Variants in ZNF324 observed in about 807,000 individuals in gnomAD.
ZNF324 encodes the protein zinc finger protein 324A.
In ZNF324, 3 loss-of-function variants were observed where a neutral mutation model predicts 10.3. The observed-to-expected ratio is 0.29, with a 90% confidence interval of 0.13 to 0.75. The LOEUF is 0.75. ZNF324 is among the 30% of genes least tolerant of loss of function. The pLI, the probability that ZNF324 is intolerant of heterozygous loss-of-function variation, is 0.69. For missense variants in ZNF324, 763 were observed against 784.4 expected (o/e 0.97, Z 0.33); for synonymous variants, 430 against 339.5 (o/e 1.27, Z -2.93).
In ZNF324 at chr19:58,471,104, G is replaced by T; in HGVS notation, c.612G>T (p.Gly204=). 6.2e-7 allele frequency: 1 copy of T among 1,613,866 alleles called. No individual in the cohort carries two copies. Among genetic ancestry groups the T allele is most frequent in the South Asian group, 1.1e-5 (1 of 91,084 alleles). ...AACCATGTGCACAGGAGGTCCCTGG[G>T]AGAACCTTTGGGAGCGCCCAGGACC... ...RQKPCAQEVP[G]RTFGSAQDLE... The change falls in exon 4 of 4, where the codon GGG becomes GGT. Residue 204 remains glycine, a synonymous_variant. Coordinates refer to ENST00000196482, the MANE Select transcript of ZNF324 (RefSeq NM_014347.3).
In ZNF324 at chr19:58,474,891, GGAGA is replaced by G. The variant is rs1186053201; in HGVS notation, c.*2741_*2744del. On this transcript the variant is annotated 3_prime_UTR_variant, in exon 4 of 4. Coordinates refer to ENST00000196482, the MANE Select transcript of ZNF324 (RefSeq NM_014347.3). ...ATACTACGTGGCGACTTGGCGAAGA[GGAGA>G]GAGTTCCCACCAGGCTGACTCCAGA... The G allele has an allele frequency of 2.0e-5, 3 of 152,320 alleles. No homozygotes were observed. Among genetic ancestry groups the G allele is most frequent in the Non-Finnish European group, 4.4e-5 (3 of 68,034 alleles). 9.4% of individuals were successfully genotyped at this position (152,320 alleles called of 1,614,324 possible).
In ZNF324 at chr19:58,469,219, C is replaced by T. The variant is rs2122405806; in HGVS notation, c.34C>T (p.Gln12Ter). The stretch of plus-strand genomic sequence containing the variant: ...TGAGGATGTGGCTGTGTACTTCTCC[C>T]AGGAGGAGTGGGGGCTCCTGGACAC... ...AFEDVAVYFS[Q>*]EEWGLLDTAQ... The change falls in exon 2 of 4, where the codon CAG becomes TAG. Residue 12 changes from glutamine (Q) to a stop codon, truncating the protein, a stop_gained. Transcript: ENST00000196482. LOFTEE classifies it high-confidence loss of function. The T allele has an allele frequency of 6.2e-7, 1 of 1,614,168 alleles. No homozygotes were observed. Among genetic ancestry groups the T allele is most frequent in the Non-Finnish European group, 8.5e-7 (1 of 1,180,028 alleles).
At chr19:58,468,990 T>A (rs1426609271) in intron 1 of ZNF324, among the ~76,000 whole-genome samples, 190 bp from the exon 2 acceptor site, 2 of 152,182 alleles carry the variant, frequency 1.3e-5, no homozygotes, top group South Asian at 4.1e-4. Flanking sequence ...CCAAAACAAG[T>A]TCGTGAACTT....
rs2053029692 is a variant in ZNF324 at position 58,471,231 on chromosome 19, G to A, written c.739G>A (p.Gly247Ser). ...GGAGCCCTCGACCTGGGACGAGCTGGGCGAGGCTCTTCACGCTGGGGAGAA... is the reference window on the plus strand; with the variant it reads ...GGAGCCCTCGACCTGGGACGAGCTGAGCGAGGCTCTTCACGCTGGGGAGAA... The part of the protein sequence containing the change: ...GQEPSTWDEL[G>S]EALHAGEKSF... Residue 247 changes from glycine to serine, a missense_variant, in exon 4 of 4, where the codon GGC becomes AGC. Gly to Ser is a moderately conservative substitution (Grantham distance 56). Around this residue, in one of 3 missense-constraint regions of ZNF324, gnomAD observed 153 missense variants for 269.0 expected, o/e 0.57. Coordinates refer to ENST00000196482, the MANE Select transcript of ZNF324 (RefSeq NM_014347.3). The A allele has an allele frequency of 1.2e-6, 2 of 1,613,622 alleles. No individual in the cohort carries two copies. Among genetic ancestry groups the A allele is most frequent in the Non-Finnish European group, 1.7e-6 (2 of 1,179,942 alleles).
Position 58,470,842 on chromosome 19 carries a change from A to C in ZNF324, c.350A>C (p.His117Pro), listed in dbSNP as rs983217412. ...TSVFPVAGAC[H>P]SVKSLQRQRG... ...GTCTTCCCTGTTGCCGGTGCCTGCC[A>C]CAGTGTAAAAAGCCTGCAGAGACAA... The change falls in exon 4 of 4, where the codon CAC (histidine) becomes CCC (proline). Residue 117 changes from histidine to proline, a missense_variant. His to Pro is a moderately conservative substitution (Grantham distance 77). Around this residue, in one of 3 missense-constraint regions of ZNF324, gnomAD observed 379 missense variants for 319.4 expected, o/e 1.19. Coordinates refer to ENST00000196482, the MANE Select transcript of ZNF324 (RefSeq NM_014347.3). The C allele has an allele frequency of 3.7e-6, 6 of 1,614,072 alleles. No individual in the cohort carries two copies. In the African/African-American group the frequency reaches 5.3e-5, roughly 14 times the overall value.
At chr19:58,468,535 T>C (rs2053001037) in intron 1 of ZNF324, among the ~76,000 whole-genome samples, 1 of 151,988 alleles carries the variant, frequency 6.6e-6, no homozygotes, top group Admixed American at 6.6e-5. Flanking sequence ...GCAAGCAGGC[T>C]CAGCAGGGGA....
In ZNF324 at chr19:58,470,782, C is replaced by T; in HGVS notation, c.290C>T (p.Ala97Val). The T allele has an allele frequency of 6.2e-7, 1 of 1,614,214 alleles. No individual in the cohort carries two copies. The highest frequency in any genetic ancestry group is 8.5e-7 in the Non-Finnish European group (1 of 1,180,054). Residue 97 changes from alanine to valine, a missense_variant, in exon 4 of 4, where the codon GCT (alanine) becomes GTT (valine). By Grantham distance (64) the Ala-to-Val change is moderately conservative. Transcript: ENST00000196482. ...DRDVSGEWPR[A>V]FPDTPPGMTT... is the part of the protein sequence containing the mutation. Reference sequence around the variant, plus strand: ...GATGTTTCTGGAGAATGGCCACGAGCTTTCCCAGATACCCCACCTGGGATG... The same window carrying T: ...GATGTTTCTGGAGAATGGCCACGAGTTTTCCCAGATACCCCACCTGGGATG...
chr19:58,469,032 A>G (rs185980195), intron 1 of ZNF324, 148 bp from the exon 2 acceptor site: 5 of 976,504 alleles, frequency 5.1e-6, no homozygotes, highest in Non-Finnish European at 7.5e-6. Context: ...TGCAATTTTT[A>G]TTTTTTTTAG....
Position 58,472,548 on chromosome 19 carries a change from T to G in ZNF324, c.*394T>G. The stretch of plus-strand genomic sequence containing the variant: ...GGCCCAGAGAAACTTATGACAGCTG[T>G]ACACAAACTGGCCGCTGGAGAGATG... On this transcript the variant is annotated 3_prime_UTR_variant, in exon 4 of 4. Transcript: ENST00000196482. 3 of 187,620 alleles carry G rather than the reference T, an allele frequency of 1.6e-5. No homozygotes were observed. Among genetic ancestry groups the G allele is most frequent in the Admixed American group, 5.5e-5 (1 of 18,234 alleles). 11.6% of individuals were successfully genotyped at this position (187,620 alleles called of 1,614,324 possible).
rs1294322024 is a variant in ZNF324 at position 58,474,703 on chromosome 19, G to C, written c.*2549G>C. On this transcript the variant is annotated 3_prime_UTR_variant, in exon 4 of 4. Coordinates refer to ENST00000196482, the MANE Select transcript of ZNF324 (RefSeq NM_014347.3). ...GGCTTCTATGTCAAAAGGTCAGACT[G>C]AACACATGCATCTCACTGGGCTCAG... is the stretch of plus-strand genomic sequence containing the variant. 1 of 152,188 alleles carries C rather than the reference G, an allele frequency of 6.6e-6. No individual in the cohort carries two copies. The highest frequency in any genetic ancestry group is 1.5e-5 in the Non-Finnish European group (1 of 68,064). 9.4% of individuals were successfully genotyped at this position (152,188 alleles called of 1,614,324 possible). A position where few individuals can be genotyped will look rare whatever the true frequency, so the allele number is the denominator to read the frequency against.
In ZNF324 at chr19:58,473,568, C is replaced by T. The variant is rs1177452598; in HGVS notation, c.*1414C>T. 1 of 152,132 alleles carries T rather than the reference C, an allele frequency of 6.6e-6. No homozygotes were observed. Among genetic ancestry groups the T allele is most frequent in the Non-Finnish European group, 1.5e-5 (1 of 68,052 alleles). The allele number at this position is 152,132 out of a possible 1,614,324, so 9.4% of individuals were successfully genotyped here. ...TCAAGAGCTTCTCTGATAAAGGTTT[C>T]TTTTTAAACATTTGTGTGAACGGTA... is the stretch of plus-strand genomic sequence containing the variant. On this transcript the variant is annotated 3_prime_UTR_variant, in exon 4 of 4. Transcript: ENST00000196482.
Position 58,474,745 on chromosome 19 carries a change from C to G in ZNF324, c.*2591C>G, listed in dbSNP as rs1035007714. ...TGGGCTCAGAAATCCACTGAAACCA[C>G]AGAGGGGAGTATTTAAAACACATAA... On this transcript the variant is annotated 3_prime_UTR_variant, in exon 4 of 4. Coordinates refer to ENST00000196482, the MANE Select transcript of ZNF324 (RefSeq NM_014347.3). 1.1e-4 allele frequency: 17 copies of G among 152,246 alleles called. No homozygotes were observed. Among genetic ancestry groups the G allele is most frequent in the Non-Finnish European group, 1.9e-4 (13 of 68,080 alleles). The allele number at this position is 152,246 out of a possible 1,614,324, so 9.4% of individuals were successfully genotyped here.
intron 1 of ZNF324, among the ~76,000 whole-genome samples, chr19:58,468,487 C>G (rs1309110262): frequency 2.0e-5 from 3 of 152,098 alleles, no homozygotes; most frequent in Non-Finnish European, 4.4e-5. Context: ...GAGAATCATC[C>G]AGTCCCTCAG....
intron 2 of ZNF324, 114 bp downstream of exon 2, chr19:58,469,420 C>A: frequency 7.1e-7 from 1 of 1,408,264 alleles, no homozygotes; most frequent in Non-Finnish European, 9.6e-7. Flanking sequence ...CAGCCAGGAG[C>A]CATGTGGAAT....
intron 3 of ZNF324, 56 bp downstream of exon 3, chr19:58,469,900 G>A: frequency 2.1e-6 from 3 of 1,441,552 alleles, no homozygotes; most frequent in Non-Finnish European, 2.9e-6. Context: ...TCATGCCTCT[G>A]TCCCTGGTTC....
chr19:58,471,808 A>G lies in ZNF324; in HGVS notation c.1316A>G (p.Asn439Ser), dbSNP rs2122417530. The stretch of plus-strand genomic sequence containing the variant: ...GGCCGCGCCTTTAGCCACAGCTCCA[A>G]CCTCACCCAGCACCAGCTCCTGCAC... ...QCGRAFSHSS[N>S]LTQHQLLHTG... Residue 439 changes from asparagine (N) to serine (S), a missense_variant, in exon 4 of 4, where the codon AAC becomes AGC. By Grantham distance (46) the Asn-to-Ser change is conservative. Transcript: ENST00000196482. The G allele has an allele frequency of 6.2e-7, 1 of 1,612,838 alleles. No individual in the cohort carries two copies. The highest frequency in any genetic ancestry group is 8.5e-7 in the Non-Finnish European group (1 of 1,179,776).
rs1176845907 is a variant in ZNF324 at position 58,471,326 on chromosome 19, C to T, written c.834C>T (p.Thr278=). ...KSSDLLKHLR[T]HTGERPYECA... ...CCGACCTCCTCAAGCACCTACGCACCCACACCGGGGAGCGGCCCTACGAGT... is the reference window on the plus strand; with the variant it reads ...CCGACCTCCTCAAGCACCTACGCACTCACACCGGGGAGCGGCCCTACGAGT... Residue 278 remains threonine (T), a synonymous_variant, in exon 4 of 4, where the codon ACC becomes ACT. Coordinates refer to ENST00000196482, the MANE Select transcript of ZNF324 (RefSeq NM_014347.3). 1.2e-6 allele frequency: 2 copies of T among 1,614,018 alleles called. No individual in the cohort carries two copies. The highest frequency in any genetic ancestry group is 1.7e-6 in the Non-Finnish European group (2 of 1,180,016).
Position 58,472,981 on chromosome 19 carries a change from A to G in ZNF324, c.*827A>G, listed in dbSNP as rs2053051158. 6.5e-6 allele frequency: 1 copy of G among 152,748 alleles called. No individual in the cohort carries two copies. Among genetic ancestry groups the G allele is most frequent in the Non-Finnish European group, 1.5e-5 (1 of 68,088 alleles). 9.5% of individuals were successfully genotyped at this position (152,748 alleles called of 1,614,324 possible). A position where few individuals can be genotyped will look rare whatever the true frequency, so the allele number is the denominator to read the frequency against. On this transcript the variant is annotated 3_prime_UTR_variant, in exon 4 of 4. Coordinates refer to ENST00000196482, the MANE Select transcript of ZNF324 (RefSeq NM_014347.3). ...CTCTCAGCATTGGAAGGACAGAGCT[A>G]GGATGATGGCTTTCCGGTGGCACTC...
Position 58,475,263 on chromosome 19 carries a change from G to A in ZNF324, c.*3109G>A, listed in dbSNP as rs1228403442. On this transcript the variant is annotated 3_prime_UTR_variant, in exon 4 of 4. Coordinates refer to ENST00000196482, the MANE Select transcript of ZNF324 (RefSeq NM_014347.3). Reference sequence around the variant, plus strand: ...GGTATCCAAAGAAACCAAAACAGGCGGTGTAATTTAGGACTGACTAAGTAA... The same window carrying A: ...GGTATCCAAAGAAACCAAAACAGGCAGTGTAATTTAGGACTGACTAAGTAA... 2 of 152,106 alleles carry A rather than the reference G, an allele frequency of 1.3e-5. No homozygotes were observed. The highest frequency in any genetic ancestry group is 6.5e-5 in the Admixed American group (1 of 15,268). 9.4% of individuals were successfully genotyped at this position (152,106 alleles called of 1,614,324 possible). A position where few individuals can be genotyped will look rare whatever the true frequency, so the allele number is the denominator to read the frequency against.
Sources: allele counts gnomAD v4.1 joint callset (sites outside exome capture counted in the v4.1 genomes callset), GRCh38; gene constraint gnomAD v4.1.1; regional missense constraint gnomAD v4.1.1; transcripts MANE v1.5; gene names NCBI Gene and HGNC (gene_info 2026-07-23, HGNC 2026-07-21).